The following CDH13 variants were observed in gnomAD, a reference collection of about 807,000 sequenced individuals.
CDH13 encodes the protein cadherin 13, also known as cadherin-13.
CDH13 carries 24 observed loss-of-function variants against 63.8 expected under a neutral mutation model. The observed-to-expected ratio is 0.38, with a 90% CI of 0.27 to 0.53. The LOEUF (loss-of-function observed/expected upper bound fraction) is 0.53. Ranked by LOEUF, CDH13 falls within the 20% of genes least tolerant of loss-of-function variation. The probability of loss-of-function intolerance (pLI) is 0.85; values close to 1 mark genes in which losing one functional copy is unlikely to be tolerated. For missense variants in CDH13, 1,049 were observed against 903.1 expected (o/e 1.16, Z -2.07); for synonymous variants, 503 against 355.3 (o/e 1.42, Z -4.67).
chr16:83,101,913 G>A (rs368296881), intron 3 of CDH13, among the ~76,000 whole-genome samples: 1 of 152,198 alleles, frequency 6.6e-6, no homozygotes, highest in Non-Finnish European at 1.5e-5. Flanking sequence ...CCCCAGGATT[G>A]TTCACATTCT....
rs76259883 is a variant in CDH13 at position 83,339,023 on chromosome 16, C to A, written c.637-5839C>A. On this transcript the variant is annotated intron_variant, in intron 5 of 13. Transcript: ENST00000567109. ...CCTATAGAAAACAGATGGTGGCAGG[C>A]AGTCATGGCTGTGCAGGAAGACCCA... is the stretch of plus-strand genomic sequence containing the variant. Among the ~76,000 whole-genome samples, 1,240 of 152,266 alleles carry A rather than the reference C, an allele frequency of 8.1e-3. 8 individuals carry two copies. The highest frequency in any genetic ancestry group is 0.011 in the Non-Finnish European group (744 of 68,020).
At chr16:83,284,987 A>T (rs1364087465) in intron 5 of CDH13, among the ~76,000 whole-genome samples, 2 of 151,692 alleles carry the variant, frequency 1.3e-5, no homozygotes, top group Non-Finnish European at 2.9e-5. Flanking sequence ...TTCTATACAC[A>T]CTCTCCCTGC....
intron 6 of CDH13, among the ~76,000 whole-genome samples, chr16:83,442,917 C>G (rs998262069): frequency 1.2e-4 from 19 of 152,222 alleles, no homozygotes; most frequent in Non-Finnish European, 2.4e-4. Context: ...AAATTTCACC[C>G]TATATGCTTG....
At chr16:83,263,880 ATTT>A (rs148694387) in intron 5 of CDH13, among the ~76,000 whole-genome samples, 6 of 151,442 alleles carry the variant, frequency 4.0e-5, no homozygotes, top group Non-Finnish European at 5.9e-5. Flanking sequence ...CTGAGGCTGA[ATTT>A]TTTAAAAAAA....
chr16:83,173,295 T>G (rs1319023170), intron 4 of CDH13, among the ~76,000 whole-genome samples: 1 of 152,114 alleles, frequency 6.6e-6, no homozygotes, highest in Non-Finnish European at 1.5e-5. Context: ...TATTGCTGGG[T>G]TCTATGTTCT....
chr16:82,673,705 A>T (rs1597285265), intron 1 of CDH13, among the ~76,000 whole-genome samples: 1 of 152,332 alleles, frequency 6.6e-6, no homozygotes, highest in East Asian at 1.9e-4. Flanking sequence ...GTTTAGTTAA[A>T]CCTGTATATG....
intron 6 of CDH13, among the ~76,000 whole-genome samples, chr16:83,468,763 T>A (rs2073382632): frequency 6.6e-6 from 1 of 152,242 alleles, no homozygotes; most frequent in Admixed American, 6.5e-5. Flanking sequence ...GTAAAGTTTT[T>A]AAAATTTTAT....
At chr16:83,619,408 G>A (rs114557465) in intron 8 of CDH13, among the ~76,000 whole-genome samples, 4 of 152,210 alleles carry the variant, frequency 2.6e-5, no homozygotes, top group Non-Finnish European at 5.9e-5. Context: ...GGAGGTGACT[G>A]TATTCATTTC....
chr16:83,027,791 G>A (rs572310329), intron 2 of CDH13, among the ~76,000 whole-genome samples: 1 of 152,204 alleles, frequency 6.6e-6, no homozygotes, highest in African/African-American at 2.4e-5. Context: ...CAATCTAACT[G>A]CTTACATCCA....
At chr16:83,296,949 C>T (rs1227684174) in intron 5 of CDH13, among the ~76,000 whole-genome samples, 1 of 152,010 alleles carries the variant, frequency 6.6e-6, no homozygotes, top group African/African-American at 2.4e-5. Context: ...GAATGCAGAG[C>T]CATTGGGGAC....
At chr16:83,407,396 A>G (rs960250689) in intron 6 of CDH13, among the ~76,000 whole-genome samples, 1 of 152,242 alleles carries the variant, frequency 6.6e-6, no homozygotes, top group Non-Finnish European at 1.5e-5. Context: ...CCATCCTCAT[A>G]TAAACATTAT....
intron 4 of CDH13, among the ~76,000 whole-genome samples, chr16:83,142,229 C>T (rs1308493523): frequency 7.0e-6 from 1 of 142,502 alleles, no homozygotes; most frequent in Non-Finnish European, 1.5e-5. Flanking sequence ...GGTGTAATCT[C>T]AGCTCACCAC....
At chr16:83,435,438 C>A (rs910693784) in intron 6 of CDH13, among the ~76,000 whole-genome samples, 1 of 152,148 alleles carries the variant, frequency 6.6e-6, no homozygotes, top group Admixed American at 6.5e-5. Flanking sequence ...TGTGGCTCCC[C>A]GTTGCCCCAA....
chr16:83,136,001 C>T (rs550753801), intron 4 of CDH13, among the ~76,000 whole-genome samples: 2 of 151,918 alleles, frequency 1.3e-5, no homozygotes, highest in South Asian at 2.1e-4. Context: ...CATGATACAA[C>T]GGACTTTGGG....
chr16:83,443,731 A>T (rs1161300620), intron 6 of CDH13, among the ~76,000 whole-genome samples: 26 of 4,938 alleles, frequency 5.3e-3, no homozygotes, highest in East Asian at 0.019. Context: ...AAAAAAAAAA[A>T]AAAAATATAT....
intron 2 of CDH13, among the ~76,000 whole-genome samples, chr16:82,940,193 A>T (rs1014116633): frequency 6.6e-6 from 1 of 152,204 alleles, no homozygotes; most frequent in Non-Finnish European, 1.5e-5. Flanking sequence ...AAACCATATC[A>T]GTAGGTCAAA....
chr16:82,873,829 T>C (rs1314533068), intron 2 of CDH13, among the ~76,000 whole-genome samples: 2 of 152,176 alleles, frequency 1.3e-5, no homozygotes, highest in Non-Finnish European at 2.9e-5. Flanking sequence ...ATAGCTTGGC[T>C]CCTCTGAAAG....
intron 2 of CDH13, among the ~76,000 whole-genome samples, chr16:83,009,509 C>T (rs1187512181): frequency 1.3e-5 from 2 of 152,062 alleles, no homozygotes; most frequent in Admixed American, 6.5e-5. Context: ...TCATGATTCC[C>T]ATTTTATAGA....
chr16:83,724,446 T>C (rs540801585), intron 10 of CDH13, among the ~76,000 whole-genome samples: 1 of 150,432 alleles, frequency 6.6e-6, no homozygotes. Flanking sequence ...GGGTGGATGA[T>C]GAATGCATGG....
Sources: allele counts gnomAD v4.1 joint callset (sites outside exome capture counted in the v4.1 genomes callset), GRCh38; gene constraint gnomAD v4.1.1; transcripts MANE v1.5; gene names NCBI Gene and HGNC (gene_info 2026-07-23, HGNC 2026-07-21).